The following HTATIP2 variants were observed in gnomAD, a reference collection of about 807,000 sequenced individuals.
HTATIP2 encodes the protein HIV-1 Tat interactive protein 2.
A neutral mutation model predicts 24.7 loss-of-function variants in HTATIP2; 26 were observed. That is an observed-to-expected ratio of 1.05 (90% confidence interval 0.77 to 1.46). The LOEUF (loss-of-function observed/expected upper bound fraction) is 1.46. Ranked by LOEUF, HTATIP2 falls within the 40% of genes most tolerant of loss-of-function variation. HTATIP2 has a pLI of 0.00. For synonymous variants in HTATIP2, 99 were observed against 113.2 expected (o/e 0.87, Z 0.79); for missense variants, 284 against 289.6 (o/e 0.98, Z 0.14).
At chr11:20,376,550 G>A in intron 2 of HTATIP2, 30 bp from the exon 3 acceptor site, 1 of 1,612,462 alleles carries the variant, frequency 6.2e-7, no homozygotes, top group South Asian at 1.1e-5. Context: ...GCTGCTTTTT[G>A]GAAATAACTC....
intron 4 of HTATIP2, 93 bp from the exon 5 acceptor site, chr11:20,382,887 A>G (rs1215703055): frequency 9.9e-6 from 8 of 811,672 alleles, no homozygotes; most frequent in Admixed American, 2.6e-5. Flanking sequence ...TATTGAGGGG[A>G]TACAGTTTTG....
At chr11:20,371,752 T>G (rs543345265) in intron 2 of HTATIP2, among the ~76,000 whole-genome samples, 2 of 152,244 alleles carry the variant, frequency 1.3e-5, no homozygotes, top group East Asian at 1.9e-4. Context: ...ATTCTTTGAC[T>G]CTATGAAACA....
chr11:20,378,050 T>TA (rs946600494), intron 3 of HTATIP2, among the ~76,000 whole-genome samples: 6 of 152,232 alleles, frequency 3.9e-5, no homozygotes, highest in African/African-American at 1.4e-4. Flanking sequence ...TATGTTTTTT[T>TA]AAAAAAATAG....
chr11:20,373,244 G>T (rs186007551), intron 2 of HTATIP2, among the ~76,000 whole-genome samples: 1 of 150,108 alleles, frequency 6.7e-6, no homozygotes, highest in Non-Finnish European at 1.5e-5. Context: ...GTTGTCAGTC[G>T]TTAGCGAGGC....
intron 1 of HTATIP2, 26 bp downstream of exon 1, chr11:20,364,458 T>C (rs1030738439): frequency 1.3e-6 from 2 of 1,567,644 alleles, no homozygotes. Context: ...GGGACTCAAA[T>C]GGACCCCCAG....
In HTATIP2 at chr11:20,364,064, G is replaced by C. The variant is rs1294176412; in HGVS notation, c.-174G>C. The stretch of plus-strand genomic sequence containing the variant: ...CCGATGGGTCTGCTGGCTCAGGTGC[G>C]GGCGATGGCCGGGGAGCCGCGCCCC... On this transcript the variant is annotated 5_prime_UTR_variant, in exon 1 of 5. Coordinates refer to ENST00000451739, the MANE Select transcript of HTATIP2 (RefSeq NM_001098522.2). The C allele has an allele frequency of 3.4e-5, 46 of 1,355,966 alleles. No individual in the cohort carries two copies. In the Admixed American group the frequency reaches 1.5e-3, roughly 44 times the overall value. The allele number at this position is 1,355,966 out of a possible 1,614,324, so 84.0% of individuals were successfully genotyped here.
chr11:20,374,055 G>A (rs946219170), intron 2 of HTATIP2, among the ~76,000 whole-genome samples: 1 of 152,160 alleles, frequency 6.6e-6, no homozygotes, highest in Non-Finnish European at 1.5e-5. Flanking sequence ...GGTAGAAAAA[G>A]TAAGGCAGAA....
chr11:20,364,104 A>C lies in HTATIP2; in HGVS notation c.-134A>C, dbSNP rs529840860. The C allele has an allele frequency of 6.1e-4, 868 of 1,430,310 alleles. 1 individual carries two copies. The highest frequency in any genetic ancestry group is 7.7e-4 in the Non-Finnish European group (837 of 1,090,778). The allele number at this position is 1,430,310 out of a possible 1,614,324, so 88.6% of individuals were successfully genotyped here. On this transcript the variant is annotated 5_prime_UTR_variant, in exon 1 of 5. Coordinates refer to ENST00000451739, the MANE Select transcript of HTATIP2 (RefSeq NM_001098522.2). Reference sequence around the variant, plus strand: ...AGCCGCGCCCCGCACGTGACTCAGCACTTTCCCCAGAGCCCGGACTGCGGA... The same window carrying C: ...AGCCGCGCCCCGCACGTGACTCAGCCCTTTCCCCAGAGCCCGGACTGCGGA...
chr11:20,363,764 C>A lies in HTATIP2; in HGVS notation c.-474C>A. 3 of 1,237,844 alleles carry A rather than the reference C, an allele frequency of 2.4e-6. No homozygotes were observed. The highest frequency in any genetic ancestry group is 3.0e-6 in the Non-Finnish European group (3 of 986,996). The allele number at this position is 1,237,844 out of a possible 1,614,324, so 76.7% of individuals were successfully genotyped here. On this transcript the variant is annotated 5_prime_UTR_variant, in exon 1 of 5. Transcript: ENST00000451739. ...GACCAAGCCGGGTAGGCGCTGTCTC[C>A]GTCGCCTCCAACCCCCCCGGTCCGA...
Position 20,383,427 on chromosome 11 carries a change from T to C in HTATIP2, c.*222T>C, listed in dbSNP as rs956203587. On this transcript the variant is annotated 3_prime_UTR_variant, in exon 5 of 5. Coordinates refer to ENST00000451739, the MANE Select transcript of HTATIP2 (RefSeq NM_001098522.2). ...TGGAAAAATAAAGATTTGTCAGCCC[T>C]ATCTCAAACTTGAATCAAAATTTCT... The C allele has an allele frequency of 2.0e-6, 1 of 499,418 alleles. No homozygotes were observed. Among genetic ancestry groups the C allele is most frequent in the Non-Finnish European group, 3.5e-6 (1 of 284,262 alleles). The allele number at this position is 499,418 out of a possible 1,614,324, so 30.9% of individuals were successfully genotyped here.
intron 3 of HTATIP2, among the ~76,000 whole-genome samples, chr11:20,378,717 G>T (rs757255379): frequency 6.6e-6 from 1 of 152,134 alleles, no homozygotes; most frequent in South Asian, 2.1e-4. Context: ...GTGCATTTGC[G>T]TGGAAACAGG....
chr11:20,381,167 G>A (rs1429033576), intron 3 of HTATIP2, among the ~76,000 whole-genome samples: 4 of 152,144 alleles, frequency 2.6e-5, no homozygotes, highest in African/African-American at 7.2e-5. Flanking sequence ...GGCCAAGCGC[G>A]GTGGCTCTCG....
At chr11:20,371,100 T>G (rs2064768089) in intron 2 of HTATIP2, among the ~76,000 whole-genome samples, 1 of 152,248 alleles carries the variant, frequency 6.6e-6, no homozygotes, top group Admixed American at 6.5e-5. Flanking sequence ...TTTTGTGCTA[T>G]TAACATAATG....
chr11:20,376,354 T>G, intron 2 of HTATIP2: 1 of 523,740 alleles, frequency 1.9e-6, no homozygotes, highest in Non-Finnish European at 3.3e-6. Flanking sequence ...TTGTCCTTGT[T>G]TCCTTATTGC....
Position 20,363,726 on chromosome 11 carries a change from A to C in HTATIP2, c.-512A>C. ...GGCGGGGCGAGGCAGCGTCGCCGCG[A>C]GGCCACCCGGAAGACCAAGCCGGGT... On this transcript the variant is annotated 5_prime_UTR_variant, in exon 1 of 5. Coordinates refer to ENST00000451739, the MANE Select transcript of HTATIP2 (RefSeq NM_001098522.2). 8.1e-7 allele frequency: 1 copy of C among 1,231,204 alleles called. No individual in the cohort carries two copies. Among genetic ancestry groups the C allele is most frequent in the Non-Finnish European group, 1.0e-6 (1 of 985,782 alleles). The allele number at this position is 1,231,204 out of a possible 1,614,324, so 76.3% of individuals were successfully genotyped here. A position where few individuals can be genotyped will look rare whatever the true frequency, so the allele number is the denominator to read the frequency against.
chr11:20,383,125 C>A lies in HTATIP2; in HGVS notation c.649C>A (p.Pro217Thr). 1.9e-6 allele frequency: 3 copies of A among 1,613,888 alleles called. No individual in the cohort carries two copies. Among genetic ancestry groups the A allele is most frequent in the Non-Finnish European group, 2.5e-6 (3 of 1,179,998 alleles). Reference protein sequence around the residue: ...VRAMLNNVVRPRDKQMELLEN... With the variant: ...VRAMLNNVVRTRDKQMELLEN... The stretch of plus-strand genomic sequence containing the variant: ...AGCAATGCTGAACAATGTGGTGAGA[C>A]CAAGAGACAAGCAGATGGAACTGCT... The change falls in exon 5 of 5, where the codon CCA (proline) becomes ACA (threonine). Residue 217 changes from proline (P) to threonine (T), a missense_variant. Coordinates refer to ENST00000451739, the MANE Select transcript of HTATIP2 (RefSeq NM_001098522.2).
At chr11:20,372,415 TAAGA>T (rs909047876) in intron 2 of HTATIP2, among the ~76,000 whole-genome samples, 1 of 152,212 alleles carries the variant, frequency 6.6e-6, no homozygotes, top group Non-Finnish European at 1.5e-5. Context: ...TAGTAAGACT[TAAGA>T]GTCGTTGGAG....
At chr11:20,381,097 T>C (rs1848514742) in intron 3 of HTATIP2, among the ~76,000 whole-genome samples, 1 of 151,922 alleles carries the variant, frequency 6.6e-6, no homozygotes, top group Admixed American at 6.6e-5. Context: ...ACTTAGATCG[T>C]GATGAAGGTT....
chr11:20,364,519 C>T, intron 1 of HTATIP2, 87 bp downstream of exon 1: 7 of 1,186,378 alleles, frequency 5.9e-6, no homozygotes, highest in Non-Finnish European at 8.3e-6. Flanking sequence ...TACTGCCCTG[C>T]CAGTGGTGGG....
Sources: gnomAD v4.1 joint callset for allele counts (sites outside exome capture counted in the v4.1 genomes callset) on GRCh38, gnomAD v4.1.1 for gene constraint, MANE v1.5 for transcripts, NCBI Gene and HGNC (gene_info 2026-07-23, HGNC 2026-07-21) for gene names.